Variants in YEATS2 observed in about 807,000 individuals in gnomAD.
The protein encoded by YEATS2 is YEATS domain-containing protein 2.
In YEATS2, 77 loss-of-function variants were observed where a neutral mutation model predicts 163.2. The ratio of observed to expected loss-of-function variants is 0.47; its 90% confidence interval spans 0.39 to 0.57. YEATS2 has a LOEUF of 0.57. YEATS2 is among the 20% of genes least tolerant of loss of function. The pLI is 0.00. For missense variants in YEATS2, 1,549 were observed against 1,729.8 expected, an observed-to-expected ratio of 0.90 and a Z score of 1.85; for synonymous variants, 631 against 645.1, an observed-to-expected ratio of 0.98 and a Z score of 0.33.
intron 13 of YEATS2, among the ~76,000 whole-genome samples, chr3:183,759,900 A>C (rs1721168408): frequency 6.6e-6 from 1 of 152,180 alleles, no homozygotes; most frequent in South Asian, 2.1e-4. Flanking sequence ...CCATGTGTTA[A>C]CCGTTTAGCT....
chr3:183,803,080 A>G (rs1725844551), intron 25 of YEATS2, 176 bp from the exon 26 acceptor site: 3 of 640,776 alleles, frequency 4.7e-6, no homozygotes, highest in Admixed American at 2.8e-5. Context: ...ACACGGCAAG[A>G]CACCTTCTCT....
intron 9 of YEATS2, among the ~76,000 whole-genome samples, chr3:183,749,353 A>G (rs566862618): frequency 1.3e-5 from 2 of 152,318 alleles, no homozygotes; most frequent in South Asian, 2.1e-4. Flanking sequence ...TCACATTATT[A>G]TGCAGCCATG....
At chr3:183,794,040 G>A (rs779251162) in intron 21 of YEATS2, among the ~76,000 whole-genome samples, 4 of 152,212 alleles carry the variant, frequency 2.6e-5, no homozygotes, top group East Asian at 1.9e-4. Flanking sequence ...CGTGAGCAAC[G>A]GAGAGAGCAT....
chr3:183,706,219 A>T (rs950074088), intron 1 of YEATS2, among the ~76,000 whole-genome samples: 4 of 152,042 alleles, frequency 2.6e-5, no homozygotes, highest in African/African-American at 9.7e-5. Flanking sequence ...AGCATTCCAG[A>T]TAGAAGGAGC....
intron 19 of YEATS2, among the ~76,000 whole-genome samples, chr3:183,780,019 T>TA (rs369065237): frequency 7.9e-4 from 117 of 147,788 alleles, no homozygotes; most frequent in East Asian, 4.0e-3. Context: ...TTTTTTTTTT[T>TA]AATTTTTTAT....
At chr3:183,787,589 GAT>G (rs1243145012) in intron 20 of YEATS2, among the ~76,000 whole-genome samples, 1 of 152,004 alleles carries the variant, frequency 6.6e-6, no homozygotes, top group Non-Finnish European at 1.5e-5. Flanking sequence ...ATATATTCTA[GAT>G]ATGTCTCTTA....
At position 183,765,910 on chromosome 3, in the gene YEATS2, G is replaced by T. The variant is rs1721855224; in HGVS notation, c.1947+3631G>T. ...TGCAGTGAACTGAGATGACGCCACT[G>T]TACTCCAGCCTGGGAGATAGAGCAA... On this transcript the variant is annotated intron_variant, in intron 15 of 30. Transcript: ENST00000305135. Among the ~76,000 whole-genome samples the T allele has an allele frequency of 2.0e-5, 3 of 150,722 alleles. No individual in the cohort carries two copies. The East Asian group carries it at 5.8e-4, about 29-fold the overall frequency.
Position 183,812,395 on chromosome 3 carries a change from A to G in YEATS2, c.*1812A>G, listed in dbSNP as rs57017430. 4 of 152,654 alleles carry G rather than the reference A, an allele frequency of 2.6e-5. No homozygotes were observed. Among genetic ancestry groups the G allele is most frequent in the African/African-American group, 9.6e-5 (4 of 41,584 alleles). The allele number at this position is 152,654 out of a possible 1,614,324, so 9.5% of individuals were successfully genotyped here. On this transcript the variant is annotated 3_prime_UTR_variant, in exon 31 of 31. Transcript: ENST00000305135. ...GCAAGGTCGATAGGGAAGTGGATAG[A>G]TTGCTTCAGCAAAGTGAACTGTGAG...
At chr3:183,717,860 C>CT (rs34867307) in intron 3 of YEATS2, 112 bp downstream of exon 3, 98,269 of 276,862 alleles carry the variant, frequency 0.35, 12,440 homozygotes, top group South Asian at 0.46. Context: ...CTCCTCTTTG[C>CT]TTTTTTTTTT....
intron 15 of YEATS2, among the ~76,000 whole-genome samples, chr3:183,763,240 T>C (rs778933914): frequency 6.6e-6 from 1 of 152,152 alleles, no homozygotes; most frequent in Non-Finnish European, 1.5e-5. Context: ...ACACTTAGGC[T>C]GTATGGTGTG....
intron 2 of YEATS2, among the ~76,000 whole-genome samples, chr3:183,716,698 C>G (rs1208913278): frequency 6.6e-6 from 1 of 152,076 alleles, no homozygotes; most frequent in Admixed American, 6.6e-5. Context: ...TTTAATAACA[C>G]TGAAACTCAG....
intron 20 of YEATS2, among the ~76,000 whole-genome samples, chr3:183,787,863 C>T (rs2582078): frequency 0.44 from 66,731 of 150,764 alleles, 14,981 homozygotes; most frequent in Middle Eastern, 0.57. Context: ...ATTAGCGGGG[C>T]GTGGTGACGG....
At chr3:183,719,931 A>C (rs1206782748) in intron 4 of YEATS2, among the ~76,000 whole-genome samples, 4 of 152,132 alleles carry the variant, frequency 2.6e-5, no homozygotes, top group Non-Finnish European at 5.9e-5. Flanking sequence ...TTTTCGGAGA[A>C]ACCAGGCCAT....
At chr3:183,717,787 T>A in intron 3 of YEATS2, 39 bp downstream of exon 3, 2 of 1,259,024 alleles carry the variant, frequency 1.6e-6, no homozygotes, top group Non-Finnish European at 2.1e-6. Flanking sequence ...CCAAAGCTAT[T>A]GAAAAAAATG....
At chr3:183,703,968 T>C (rs1714368143) in intron 1 of YEATS2, among the ~76,000 whole-genome samples, 1 of 151,590 alleles carries the variant, frequency 6.6e-6, no homozygotes, top group Non-Finnish European at 1.5e-5. Flanking sequence ...CAACCCTCCC[T>C]CTACTAAAAA....
At chr3:183,770,323 G>A (rs1263559790) in intron 15 of YEATS2, among the ~76,000 whole-genome samples, 1 of 152,008 alleles carries the variant, frequency 6.6e-6, no homozygotes, top group Non-Finnish European at 1.5e-5. Flanking sequence ...GGCGGAGGTT[G>A]CAGTGAGCCG....
intron 21 of YEATS2, among the ~76,000 whole-genome samples, chr3:183,796,718 T>A (rs1027471678): frequency 1.1e-4 from 16 of 152,018 alleles, no homozygotes; most frequent in Non-Finnish European, 1.8e-4. Flanking sequence ...GTGTTTCACA[T>A]CAAAACACGG....
intron 9 of YEATS2, among the ~76,000 whole-genome samples, chr3:183,749,235 G>A (rs1312166204): frequency 5.9e-5 from 9 of 152,260 alleles, no homozygotes; most frequent in South Asian, 2.1e-4. Context: ...GAGCCATGGC[G>A]CCCGGCCGGT....
intron 1 of YEATS2, among the ~76,000 whole-genome samples, chr3:183,706,201 A>G (rs1291012799): frequency 6.6e-6 from 1 of 152,066 alleles, no homozygotes; most frequent in Admixed American, 6.6e-5. Context: ...AAGCTAACCT[A>G]AGAAAAGAGC....
Sources: allele counts gnomAD v4.1 joint callset (sites outside exome capture counted in the v4.1 genomes callset), GRCh38; gene constraint gnomAD v4.1.1; transcripts MANE v1.5; gene names NCBI Gene and HGNC (gene_info 2026-07-23, HGNC 2026-07-21).